Variants in PLD1 observed in about 807,000 individuals in gnomAD.
The protein encoded by PLD1 is choline phosphatase 1.
A neutral mutation model predicts 137.1 loss-of-function variants in PLD1; 112 were observed. The ratio of observed to expected loss-of-function variants is 0.82; its 90% CI spans 0.70 to 0.96. PLD1 has a LOEUF of 0.96. Ranked by LOEUF, PLD1 falls within the 40% of genes least tolerant of loss-of-function variation. The pLI, the probability that PLD1 is intolerant of heterozygous loss-of-function variation, is 0.00. For synonymous variants in PLD1, 431 were observed against 454.7 expected (o/e 0.95, Z 0.66); for missense variants, 1,321 against 1,342.0 (o/e 0.98, Z 0.24).
intron 19 of PLD1, among the ~76,000 whole-genome samples, chr3:171,673,490 C>T (rs1713005380): frequency 6.6e-6 from 1 of 151,944 alleles, no homozygotes; most frequent in Non-Finnish European, 1.5e-5. Flanking sequence ...AGGCTGGTCT[C>T]GAACTCCTGA....
At chr3:171,689,252 T>A (rs1014195663) in intron 13 of PLD1, among the ~76,000 whole-genome samples, 3 of 152,094 alleles carry the variant, frequency 2.0e-5, no homozygotes, top group Non-Finnish European at 4.4e-5. Context: ...TATTTATCTC[T>A]GGAAAAATGT....
chr3:171,667,638 T>G (rs1480498280), intron 19 of PLD1, among the ~76,000 whole-genome samples: 1 of 152,174 alleles, frequency 6.6e-6, no homozygotes, highest in Non-Finnish European at 1.5e-5. Context: ...GACATGAAAC[T>G]TTGCTCTGCT....
At chr3:171,624,122 G>A (rs1401489112) in intron 23 of PLD1, among the ~76,000 whole-genome samples, 1 of 151,824 alleles carries the variant, frequency 6.6e-6, no homozygotes, top group Non-Finnish European at 1.5e-5. Context: ...AGTATTTTCA[G>A]TACATGTCAC....
intron 11 of PLD1, among the ~76,000 whole-genome samples, chr3:171,704,470 A>AAAAC (rs1553826999): frequency 2.9e-5 from 4 of 138,168 alleles, no homozygotes; most frequent in African/African-American, 1.3e-4. Flanking sequence ...AAAAAAAAAA[A>AAAAC]AAAAAAACCT....
At chr3:171,769,295 T>C (rs1722184977) in intron 1 of PLD1, among the ~76,000 whole-genome samples, 1 of 152,218 alleles carries the variant, frequency 6.6e-6, no homozygotes, top group Non-Finnish European at 1.5e-5. Context: ...ATGAGTTTCA[T>C]GTAAGCTTTT....
intron 23 of PLD1, among the ~76,000 whole-genome samples, chr3:171,642,283 C>T (rs909110408): frequency 1.3e-5 from 2 of 151,448 alleles, no homozygotes; most frequent in African/African-American, 4.9e-5. Context: ...GGTGAAACCT[C>T]GTCTCTACTA....
chr3:171,745,140 A>T (rs1290977401), intron 1 of PLD1, among the ~76,000 whole-genome samples: 1 of 152,132 alleles, frequency 6.6e-6, no homozygotes, highest in Non-Finnish European at 1.5e-5. Flanking sequence ...GTCAGCTTCT[A>T]GCTCATCTCA....
chr3:171,686,822 A>G, intron 15 of PLD1, 24 bp from the exon 16 acceptor site: 1 of 1,106,692 alleles, frequency 9.0e-7, no homozygotes. Context: ...GAATTTTTTT[A>G]CAAAAAAATA....
intron 1 of PLD1, among the ~76,000 whole-genome samples, chr3:171,748,060 G>A (rs59505200): frequency 0.27 from 40,849 of 152,118 alleles, 5,908 homozygotes; most frequent in Admixed American, 0.32. Flanking sequence ...CATATTCTAA[G>A]TGACATCACC....
intron 1 of PLD1, among the ~76,000 whole-genome samples, chr3:171,753,562 T>G (rs1720809585): frequency 6.6e-6 from 1 of 152,124 alleles, no homozygotes; most frequent in South Asian, 2.1e-4. Flanking sequence ...CCTCATGCAT[T>G]TCACTTTACC....
chr3:171,706,258 T>C (rs1444379222), intron 11 of PLD1, among the ~76,000 whole-genome samples: 1 of 148,164 alleles, frequency 6.7e-6, no homozygotes, highest in Non-Finnish European at 1.5e-5. Flanking sequence ...TCCTATCCTA[T>C]GCCATTCTTT....
At chr3:171,687,309 G>C (rs1560216350) in intron 15 of PLD1, 62 bp downstream of exon 15, 1 of 1,330,920 alleles carries the variant, frequency 7.5e-7, no homozygotes, top group Non-Finnish European at 1.1e-6. Context: ...CAGGTATGTA[G>C]TGTCTGGCTA....
chr3:171,622,886 T>G (rs1437351679), intron 23 of PLD1, among the ~76,000 whole-genome samples: 1 of 151,764 alleles, frequency 6.6e-6, no homozygotes, highest in African/African-American at 2.4e-5. Context: ...AGCCTTTATA[T>G]ACACAAAACA....
chr3:171,665,911 C>A (rs893965358), intron 19 of PLD1, among the ~76,000 whole-genome samples: 1 of 152,144 alleles, frequency 6.6e-6, no homozygotes, highest in Non-Finnish European at 1.5e-5. Flanking sequence ...AAAATGTCAT[C>A]ATTTGTGGCT....
intron 1 of PLD1, among the ~76,000 whole-genome samples, chr3:171,739,241 G>T (rs921835338): frequency 1.8e-4 from 27 of 152,188 alleles, no homozygotes; most frequent in African/African-American, 6.3e-4. Flanking sequence ...AAAAAGCTAA[G>T]TGGCTATATG....
At chr3:171,800,385 T>C (rs1723597265) in intron 1 of PLD1, among the ~76,000 whole-genome samples, 1 of 152,096 alleles carries the variant, frequency 6.6e-6, no homozygotes, top group South Asian at 2.1e-4. Context: ...ATTGTTGTAT[T>C]TTTAGTAGAG....
At chr3:171,624,329 TTATC>T (rs1275672797) in intron 23 of PLD1, among the ~76,000 whole-genome samples, 1 of 152,182 alleles carries the variant, frequency 6.6e-6, no homozygotes, top group Non-Finnish European at 1.5e-5. Context: ...AAACCATTTG[TTATC>T]TATAAGATTG....
chr3:171,687,634 G>A lies in PLD1; in HGVS notation c.1540-50C>T, dbSNP rs2305548. 0.44 allele frequency: 517,103 copies of A among 1,186,598 alleles called. 114,315 individuals are homozygous for A. The highest frequency in any genetic ancestry group is 0.52 in the African/African-American group (33,746 of 65,520). 73.5% of individuals were successfully genotyped at this position (1,186,598 alleles called of 1,614,324 possible). On this transcript the variant is annotated intron_variant, in intron 14 of 26. Coordinates refer to ENST00000351298, the MANE Select transcript of PLD1 (RefSeq NM_002662.5). Reference sequence around the variant, plus strand: ...AAGACACTGCATAAGACATGCTGCAGTGTGGTTCTTTAATTCAAGTAGAGC... The same window carrying A: ...AAGACACTGCATAAGACATGCTGCAATGTGGTTCTTTAATTCAAGTAGAGC...
Position 171,801,492 on chromosome 3 carries a change from G to A in PLD1, c.-32+8907C>T, listed in dbSNP as rs1421492609. 5.3e-5 allele frequency among the ~76,000 whole-genome samples: 8 copies of A among 152,326 alleles called. 1 individual carries two copies. Among genetic ancestry groups the A allele is most frequent in the Admixed American group, 2.0e-4 (3 of 15,306 alleles). On this transcript the variant is annotated intron_variant, in intron 1 of 26. Transcript: ENST00000351298. ...CACCCAGGCTGGAGTGCTATGGCAC[G>A]ATCTCAGCTCACTGTAACCTCCACC...
Sources: gnomAD v4.1 joint callset for allele counts (sites outside exome capture counted in the v4.1 genomes callset) on GRCh38, gnomAD v4.1.1 for gene constraint, MANE v1.5 for transcripts, NCBI Gene and HGNC (gene_info 2026-07-23, HGNC 2026-07-21) for gene names.